FSTL5: variants seen among roughly 807,000 people sequenced by gnomAD.
The protein encoded by FSTL5 is follistatin-related protein 5.
A neutral mutation model predicts 89.1 loss-of-function variants in FSTL5; 62 were observed. The ratio of observed to expected loss-of-function variants is 0.70; its 90% CI spans 0.57 to 0.86. The LOEUF is 0.86. Ranked by LOEUF, FSTL5 falls within the 40% of genes least tolerant of loss-of-function variation. The pLI, the probability that FSTL5 is intolerant of heterozygous loss-of-function variation, is 0.00. For missense variants in FSTL5, 1,057 were observed against 1,001.6 expected, an observed-to-expected ratio of 1.06 and a Z score of -0.75; for synonymous variants, 383 against 346.2, an observed-to-expected ratio of 1.11 and a Z score of -1.18.
At position 161,877,534 on chromosome 4, in the gene FSTL5, T is replaced by A. The variant is rs1233259824; in HGVS notation, c.409+42870A>T. On this transcript the variant is annotated intron_variant, in intron 4 of 15. Coordinates refer to ENST00000306100, the MANE Select transcript of FSTL5 (RefSeq NM_020116.5). ...AAAAACTTCAGTAATATTTTTGACATACAACTTATTAAAAATTAATCCAGG... is the reference window on the plus strand; with the variant it reads ...AAAAACTTCAGTAATATTTTTGACAAACAACTTATTAAAAATTAATCCAGG... Among the ~76,000 whole-genome samples, 5 of 151,538 alleles carry A rather than the reference T, an allele frequency of 3.3e-5. No homozygotes were observed. In the East Asian group the frequency reaches 7.9e-4, roughly 24 times the overall value.
chr4:162,139,161 G>T (rs1732630420), intron 1 of FSTL5, among the ~76,000 whole-genome samples: 1 of 151,876 alleles, frequency 6.6e-6, no homozygotes, highest in South Asian at 2.1e-4. Context: ...GTGAGGTCTG[G>T]GTTTCTAGTG....
intron 5 of FSTL5, among the ~76,000 whole-genome samples, chr4:161,761,311 A>G (rs1352719588): frequency 6.6e-6 from 1 of 152,184 alleles, no homozygotes; most frequent in Non-Finnish European, 1.5e-5. Context: ...GCTCTCAGTC[A>G]TTCTCCATTT....
At chr4:161,508,664 G>A (rs1287667335) in intron 11 of FSTL5, among the ~76,000 whole-genome samples, 1 of 151,860 alleles carries the variant, frequency 6.6e-6, no homozygotes, top group Non-Finnish European at 1.5e-5. Context: ...GTGGCCTGGA[G>A]TATTGTTATT....
chr4:161,997,971 G>C (rs1358688681), intron 3 of FSTL5, among the ~76,000 whole-genome samples: 1 of 152,110 alleles, frequency 6.6e-6, no homozygotes, highest in African/African-American at 2.4e-5. Flanking sequence ...TATAATGTCT[G>C]TACCAGCTTC....
chr4:161,509,539 C>A (rs1380276783), intron 11 of FSTL5, among the ~76,000 whole-genome samples: 1 of 151,860 alleles, frequency 6.6e-6, no homozygotes, highest in African/African-American at 2.4e-5. Context: ...TCCTTGAGCA[C>A]AGAATTGAGA....
chr4:161,738,053 G>A (rs889439667), intron 6 of FSTL5, among the ~76,000 whole-genome samples: 14 of 151,930 alleles, frequency 9.2e-5, no homozygotes, highest in Admixed American at 3.9e-4. Context: ...TTTTTTCCGA[G>A]TGATTATATA....
intron 13 of FSTL5, among the ~76,000 whole-genome samples, chr4:161,472,940 G>A (rs547439845): frequency 3.9e-5 from 6 of 152,138 alleles, no homozygotes; most frequent in African/African-American, 9.6e-5. Context: ...GGCCAGGATC[G>A]TCTCGATCTC....
chr4:161,517,770 A>G (rs10002780), intron 10 of FSTL5, among the ~76,000 whole-genome samples: 29,458 of 143,026 alleles, frequency 0.21, 3,105 homozygotes, highest in East Asian at 0.38. Flanking sequence ...TGAAAGTTTC[A>G]GGTTTTCACC....
At chr4:161,785,582 GAC>G (rs1358667922) in intron 4 of FSTL5, among the ~76,000 whole-genome samples, 1 of 152,076 alleles carries the variant, frequency 6.6e-6, no homozygotes, top group African/African-American at 2.4e-5. Flanking sequence ...TTTGATAAAC[GAC>G]AGTCATAGAG....
chr4:162,158,289 A>G lies in FSTL5; in HGVS notation c.-17+5326T>C, dbSNP rs568057240. ...GTTTCTTATGCTGTTTGAGGCACCA[A>G]GGGAAACACTGGCTGCTGCTAAAAT... On this transcript the variant is annotated intron_variant, in intron 1 of 15. Transcript: ENST00000306100. Among the ~76,000 whole-genome samples the G allele has an allele frequency of 2.0e-5, 3 of 152,178 alleles. No individual in the cohort carries two copies. In the South Asian group the frequency reaches 6.2e-4, roughly 32 times the overall value.
At chr4:161,395,407 G>A (rs1245583766) in intron 15 of FSTL5, among the ~76,000 whole-genome samples, 8 of 151,872 alleles carry the variant, frequency 5.3e-5, no homozygotes, top group Non-Finnish European at 7.4e-5. Context: ...CTATGAACAC[G>A]CAGAAGCAGA....
intron 5 of FSTL5, among the ~76,000 whole-genome samples, chr4:161,766,593 C>A (rs1243288227): frequency 6.6e-6 from 1 of 152,156 alleles, no homozygotes; most frequent in Non-Finnish European, 1.5e-5. Flanking sequence ...TTCGGGAAAT[C>A]CTGCTCAATC....
chr4:162,012,209 G>A (rs941249402), intron 3 of FSTL5, among the ~76,000 whole-genome samples: 16 of 152,182 alleles, frequency 1.1e-4, no homozygotes, highest in Non-Finnish European at 1.9e-4. Context: ...CAGGGTAACA[G>A]ACAGAGATGA....
intron 7 of FSTL5, among the ~76,000 whole-genome samples, chr4:161,597,163 G>A (rs1461246444): frequency 1.3e-5 from 2 of 151,974 alleles, no homozygotes; most frequent in East Asian, 3.9e-4. Context: ...TATGGTTTTA[G>A]GTCTAACATT....
At chr4:161,550,683 C>G (rs1732175520) in intron 8 of FSTL5, among the ~76,000 whole-genome samples, 1 of 151,784 alleles carries the variant, frequency 6.6e-6, no homozygotes, top group Admixed American at 6.6e-5. Flanking sequence ...GCTGCACCCA[C>G]TAACTCGTCA....
At chr4:162,064,437 T>C (rs942133525) in intron 2 of FSTL5, among the ~76,000 whole-genome samples, 1 of 152,034 alleles carries the variant, frequency 6.6e-6, no homozygotes, top group Admixed American at 6.6e-5. Flanking sequence ...AAGCAGATAG[T>C]TCTCTCTAAC....
chr4:161,601,588 G>A (rs770794373), intron 7 of FSTL5, among the ~76,000 whole-genome samples: 2 of 152,002 alleles, frequency 1.3e-5, no homozygotes, highest in Non-Finnish European at 2.9e-5. Context: ...CAAAGAACCA[G>A]CAAACAAGCA....
chr4:161,660,113 T>C (rs1736654797), intron 6 of FSTL5, among the ~76,000 whole-genome samples: 1 of 152,194 alleles, frequency 6.6e-6, no homozygotes, highest in East Asian at 1.9e-4. Flanking sequence ...TCTCAAGTAT[T>C]TAACGCAAAA....
At chr4:161,651,284 G>T (rs991097921) in intron 7 of FSTL5, among the ~76,000 whole-genome samples, 10 of 150,264 alleles carry the variant, frequency 6.7e-5, no homozygotes, top group Non-Finnish European at 1.5e-4. Flanking sequence ...ATAAAAGATT[G>T]CTAGTCAAGA....
Sources: allele counts gnomAD v4.1 joint callset (sites outside exome capture counted in the v4.1 genomes callset), GRCh38; gene constraint gnomAD v4.1.1; transcripts MANE v1.5; gene names NCBI Gene and HGNC (gene_info 2026-07-23, HGNC 2026-07-21).